Variants in ARL6 observed in about 807,000 individuals in gnomAD.
ARL6 encodes ARF like GTPase 6, also known as ADP-ribosylation factor-like protein 6.
Under a neutral mutation model 27.1 loss-of-function variants are expected in ARL6, and 18 were observed. The observed-to-expected ratio is 0.66, with a 90% CI of 0.46 to 0.98. The LOEUF (loss-of-function observed/expected upper bound fraction) is 0.98. Among genes scored for constraint, ARL6 ranks in the 50% least tolerant of loss-of-function variants. ARL6 has a pLI of 0.00. For missense variants in ARL6, 187 were observed against 214.9 expected (o/e 0.87, Z 0.81); for synonymous variants, 65 against 72.3 (o/e 0.90, Z 0.51).
chr3:97,780,333 A>G (rs1350490017), intron 3 of ARL6, 113 bp downstream of exon 3: 3 of 880,156 alleles, frequency 3.4e-6, no homozygotes, highest in South Asian at 3.4e-5. Flanking sequence ...TCAGAATCTC[A>G]TAGGTATTAA....
intron 7 of ARL6, among the ~76,000 whole-genome samples, chr3:97,792,634 A>G (rs1437288927): frequency 1.3e-5 from 2 of 152,198 alleles, no homozygotes; most frequent in Non-Finnish European, 2.9e-5. Flanking sequence ...GCTATTCATC[A>G]AAATAGTTAT....
intron 4 of ARL6, among the ~76,000 whole-genome samples, chr3:97,783,549 G>T (rs1271209412): frequency 2.0e-5 from 3 of 151,896 alleles, no homozygotes; most frequent in Non-Finnish European, 4.4e-5. Flanking sequence ...ATGAATTTCA[G>T]AAATAAAATC....
chr3:97,769,507 C>G (rs559835666), intron 2 of ARL6, among the ~76,000 whole-genome samples: 1 of 152,176 alleles, frequency 6.6e-6, no homozygotes, highest in Non-Finnish European at 1.5e-5. Flanking sequence ...GGATATCCAT[C>G]ACCTCAAAAA....
At chr3:97,782,797 A>G (rs1314162969) in intron 4 of ARL6, among the ~76,000 whole-genome samples, 1 of 151,066 alleles carries the variant, frequency 6.6e-6, no homozygotes, top group Non-Finnish European at 1.5e-5. Flanking sequence ...ATAAATATTT[A>G]TCTTTGCTAT....
In ARL6 at chr3:97,785,056, G is replaced by C; in HGVS notation, c.349+7G>C. ...ACTCTTCTGAATCATCCAGGTATGTGTGTGTCTTTCAGTCTGTATCTGTTC... is the reference window on the plus strand; with the variant it reads ...ACTCTTCTGAATCATCCAGGTATGTCTGTGTCTTTCAGTCTGTATCTGTTC... On this transcript the variant is annotated splice_region_variant and intron_variant, in intron 5 of 7. Transcript: ENST00000463745. 1 of 1,608,606 alleles carries C rather than the reference G, an allele frequency of 6.2e-7. No homozygotes were observed. Among genetic ancestry groups the C allele is most frequent in the Non-Finnish European group, 8.5e-7 (1 of 1,175,370 alleles).
At chr3:97,785,765 A>G (rs1464530057) in intron 5 of ARL6, among the ~76,000 whole-genome samples, 1 of 152,058 alleles carries the variant, frequency 6.6e-6, no homozygotes, top group Non-Finnish European at 1.5e-5. Context: ...CCAAGCCCCC[A>G]CTACAAACAG....
chr3:97,781,238 C>G (rs897812480), intron 4 of ARL6, among the ~76,000 whole-genome samples: 1 of 151,824 alleles, frequency 6.6e-6, no homozygotes, highest in African/African-American at 2.4e-5. Context: ...AACAGTGTTG[C>G]CTAACAGTTG....
Position 97,795,137 on chromosome 3 carries a change from G to A in ARL6, c.536-2887G>A, listed in dbSNP as rs537541516. 6.6e-5 allele frequency among the ~76,000 whole-genome samples: 10 copies of A among 152,300 alleles called. No individual in the cohort carries two copies. The South Asian group carries it at 2.1e-3, about 32-fold the overall frequency. On this transcript the variant is annotated intron_variant, in intron 7 of 7. Transcript: ENST00000463745. ...TTTGGTGAAATATTAAATGGCACAT[G>A]TAATGGCACGATTCTGTTGTCTTTG... is the stretch of plus-strand genomic sequence containing the variant.
rs754773104 is a variant in ARL6 at position 97,768,183 on chromosome 3, G to T, written c.76G>T (p.Asp26Tyr). 23 of 1,613,064 alleles carry T rather than the reference G, an allele frequency of 1.4e-5. No homozygotes were observed. The highest frequency in any genetic ancestry group is 1.9e-5 in the Non-Finnish European group (22 of 1,179,180). Residue 26 changes from aspartate (D) to tyrosine (Y), a missense_variant, in exon 2 of 8, where the codon GAT becomes TAT. Physicochemically the swap from Asp to Tyr is radical, Grantham distance 160. Coordinates refer to ENST00000463745, the MANE Select transcript of ARL6 (RefSeq NM_001278293.3). ...KEVHVLCLGL[D>Y]NSGKTTIINK... Reference sequence around the variant, plus strand: ...GGTTCATGTTTTGTGCCTTGGGCTAGATAATAGTGGCAAAACGACGATCAT... The same window carrying T: ...GGTTCATGTTTTGTGCCTTGGGCTATATAATAGTGGCAAAACGACGATCAT...
intron 5 of ARL6, 28 bp from the exon 6 acceptor site, chr3:97,787,962 G>A: frequency 1.2e-6 from 2 of 1,612,284 alleles, no homozygotes; most frequent in East Asian, 2.2e-5. Context: ...AGCTGGAAGT[G>A]TGATGATAAT....
At chr3:97,797,207 C>A (rs1246208706) in intron 7 of ARL6, among the ~76,000 whole-genome samples, 1 of 152,060 alleles carries the variant, frequency 6.6e-6, no homozygotes, top group Non-Finnish European at 1.5e-5. Flanking sequence ...TGGAAGAGTT[C>A]TTCAAGAAGG....
In ARL6 at chr3:97,800,169, C is replaced by T. The variant is rs893605326; in HGVS notation, c.*2120C>T. ...AAATATTTAGAAGAAGGAGAAGTAC[C>T]CTTTTTCTTTGTTTTCATGATCTCC... is the stretch of plus-strand genomic sequence containing the variant. On this transcript the variant is annotated 3_prime_UTR_variant, in exon 8 of 8. Coordinates refer to ENST00000463745, the MANE Select transcript of ARL6 (RefSeq NM_001278293.3). The T allele has an allele frequency of 1.3e-5, 2 of 151,920 alleles. No individual in the cohort carries two copies. The highest frequency in any genetic ancestry group is 6.6e-5 in the Admixed American group (1 of 15,244). 9.4% of individuals were successfully genotyped at this position (151,920 alleles called of 1,614,324 possible).
At chr3:97,770,740 A>G (rs1333888057) in intron 2 of ARL6, among the ~76,000 whole-genome samples, 1 of 152,038 alleles carries the variant, frequency 6.6e-6, no homozygotes, top group African/African-American at 2.4e-5. Context: ...TCAGTCTTCT[A>G]CATGTGTTTA....
rs1394298840 is a variant in ARL6, at chr3:97,800,579, C to G, written c.*2530C>G. 6.6e-6 allele frequency: 1 copy of G among 152,086 alleles called. No individual in the cohort carries two copies. Among genetic ancestry groups the G allele is most frequent in the Non-Finnish European group, 1.5e-5 (1 of 68,026 alleles). The allele number at this position is 152,086 out of a possible 1,614,324, so 9.4% of individuals were successfully genotyped here. A position where few individuals can be genotyped will look rare whatever the true frequency, so the allele number is the denominator to read the frequency against. ...TATGTTTGTTTTTTATTTCTAAGCTCTCTGCGAAAAAGTTACAAATTGTCT... is the reference window on the plus strand; with the variant it reads ...TATGTTTGTTTTTTATTTCTAAGCTGTCTGCGAAAAAGTTACAAATTGTCT... On this transcript the variant is annotated 3_prime_UTR_variant, in exon 8 of 8. Coordinates refer to ENST00000463745, the MANE Select transcript of ARL6 (RefSeq NM_001278293.3).
At chr3:97,786,383 A>C (rs1651486230) in intron 5 of ARL6, among the ~76,000 whole-genome samples, 1 of 152,058 alleles carries the variant, frequency 6.6e-6, no homozygotes, top group Admixed American at 6.6e-5. Flanking sequence ...TTGATAATGC[A>C]TTTTTGATTA....
intron 1 of ARL6, among the ~76,000 whole-genome samples, chr3:97,765,217 T>G (rs1452021704): frequency 9.5e-4 from 100 of 105,258 alleles, no homozygotes; most frequent in African/African-American, 3.6e-3. Flanking sequence ...TGGGGGTGTG[T>G]GTGTGTGTGT....
intron 6 of ARL6, 152 bp downstream of exon 6, chr3:97,788,271 G>T (rs946988002): frequency 1.0e-5 from 9 of 860,184 alleles, no homozygotes; most frequent in East Asian, 2.8e-5. Context: ...GGCATTGTAG[G>T]TTTTTACAAA....
intron 2 of ARL6, among the ~76,000 whole-genome samples, chr3:97,775,032 C>G (rs1217426935): frequency 2.6e-5 from 4 of 152,176 alleles, no homozygotes; most frequent in African/African-American, 9.7e-5. Context: ...TTGCATAACT[C>G]TCTAAACAGT....
intron 4 of ARL6, among the ~76,000 whole-genome samples, chr3:97,781,761 A>G (rs1396869347): frequency 6.6e-6 from 1 of 152,050 alleles, no homozygotes; most frequent in Admixed American, 6.5e-5. Context: ...TATTGTTAGG[A>G]CTTCATTTAA....
Sources: gnomAD v4.1 joint callset for allele counts (sites outside exome capture counted in the v4.1 genomes callset) on GRCh38, gnomAD v4.1.1 for gene constraint, MANE v1.5 for transcripts, NCBI Gene and HGNC (gene_info 2026-07-23, HGNC 2026-07-21) for gene names.